The following CTNNBIP1 variants were observed in gnomAD, a reference collection of about 807,000 sequenced individuals.
The protein encoded by CTNNBIP1 is catenin beta interacting protein 1.
In CTNNBIP1, 7 loss-of-function variants were observed where a neutral mutation model predicts 11.8. The observed-to-expected ratio is 0.60, with a 90% CI of 0.34 to 1.12. CTNNBIP1 has a LOEUF of 1.12. CTNNBIP1 is among the 50% of genes most tolerant of loss of function. The pLI is 0.03. For missense variants in CTNNBIP1, 101 were observed against 113.4 expected, an observed-to-expected ratio of 0.89 and a Z score of 0.50; for synonymous variants, 58 against 43.9, an observed-to-expected ratio of 1.32 and a Z score of -1.26.
chr1:9,905,912 G>C (rs1420903875), intron 1 of CTNNBIP1, among the ~76,000 whole-genome samples: 1 of 152,138 alleles, frequency 6.6e-6, no homozygotes, highest in Non-Finnish European at 1.5e-5. Context: ...AATATTTTCA[G>C]AGTACTACAA....
chr1:9,864,332 G>A (rs558077685), intron 5 of CTNNBIP1, among the ~76,000 whole-genome samples: 5 of 152,282 alleles, frequency 3.3e-5, no homozygotes, highest in Admixed American at 1.3e-4. Context: ...CCTTGACAAG[G>A]GCCTTTTCTT....
chr1:9,907,360 G>A (rs762502900), intron 1 of CTNNBIP1, among the ~76,000 whole-genome samples: 3 of 152,050 alleles, frequency 2.0e-5, no homozygotes, highest in Non-Finnish European at 4.4e-5. Context: ...TAGTAGAGAC[G>A]GGTTTTCACC....
At chr1:9,877,384 T>G (rs867603290) in intron 3 of CTNNBIP1, among the ~76,000 whole-genome samples, 6 of 152,318 alleles carry the variant, frequency 3.9e-5, no homozygotes, top group Middle Eastern at 3.4e-3. Context: ...CTAATGCTCT[T>G]GAACATCCAC....
intron 1 of CTNNBIP1, among the ~76,000 whole-genome samples, chr1:9,892,549 C>T (rs183171865): frequency 0.012 from 1,784 of 150,462 alleles, 16 homozygotes; most frequent in Admixed American, 0.018. Context: ...GCTATGATCA[C>T]ACCACTGCAC....
intron 1 of CTNNBIP1, among the ~76,000 whole-genome samples, chr1:9,903,056 C>T (rs1265913850): frequency 1.3e-5 from 2 of 152,222 alleles, no homozygotes; most frequent in African/African-American, 2.4e-5. Flanking sequence ...TGAGCCACCA[C>T]GCCCGGCTGG....
intron 2 of CTNNBIP1, among the ~76,000 whole-genome samples, chr1:9,880,608 C>G (rs1639061600): frequency 6.6e-6 from 1 of 152,190 alleles, no homozygotes; most frequent in African/African-American, 2.4e-5. Context: ...AGCGTGAAAG[C>G]GTTCCTATTT....
At position 9,872,825 on chromosome 1, in the gene CTNNBIP1, G is replaced by A. The variant is rs1638892752; in HGVS notation, c.-24-737C>T. Among the ~76,000 whole-genome samples the A allele has an allele frequency of 1.3e-5, 2 of 152,182 alleles. No homozygotes were observed. Among genetic ancestry groups the A allele is most frequent in the Non-Finnish European group, 2.9e-5 (2 of 68,022 alleles). ...AAAGTCCCCAGGAGAGAAGTCCAGA[G>A]CCCCCTCCCTCCAGGAGGAGCTGGA... On this transcript the variant is annotated intron_variant, in intron 3 of 5. Transcript: ENST00000377263. The surrounding 1 kb of genome is among the most constrained non-coding windows in gnomAD (Gnocchi z 4.0).
chr1:9,854,312 G>A (rs1028458221), intron 5 of CTNNBIP1, among the ~76,000 whole-genome samples: 19 of 148,612 alleles, frequency 1.3e-4, no homozygotes, highest in Admixed American at 8.9e-4. Flanking sequence ...AGGTTGCAGT[G>A]AGCTGAGATC....
At chr1:9,882,771 AG>A (rs1253768450) in intron 2 of CTNNBIP1, among the ~76,000 whole-genome samples, 1 of 152,162 alleles carries the variant, frequency 6.6e-6, no homozygotes, top group Non-Finnish European at 1.5e-5. Context: ...GCACATGTCC[AG>A]GGTGAGGCCC....
At chr1:9,885,602 C>A (rs980240995) in intron 1 of CTNNBIP1, among the ~76,000 whole-genome samples, 5 of 151,552 alleles carry the variant, frequency 3.3e-5, no homozygotes, top group Non-Finnish European at 7.4e-5. Flanking sequence ...AGTGATCATG[C>A]CACTAAACTC....
At chr1:9,863,274 AT>A (rs1210521384) in intron 5 of CTNNBIP1, among the ~76,000 whole-genome samples, 1 of 152,132 alleles carries the variant, frequency 6.6e-6, no homozygotes. Context: ...TATATAGGTG[AT>A]TTTTGGTTTA....
chr1:9,891,335 C>G (rs151320467), intron 1 of CTNNBIP1, among the ~76,000 whole-genome samples: 1 of 152,176 alleles, frequency 6.6e-6, no homozygotes, highest in Non-Finnish European at 1.5e-5. Flanking sequence ...ACAGGCACCT[C>G]TCTCTCCAGC....
rs115947239 is a variant in CTNNBIP1, at chr1:9,878,464, T to C, written c.-109-475A>G. On this transcript the variant is annotated intron_variant, in intron 2 of 5. Coordinates refer to ENST00000377263, the MANE Select transcript of CTNNBIP1 (RefSeq NM_020248.3). The stretch of plus-strand genomic sequence containing the variant: ...AGCCTCTGTGCTCAGTGCATGTATA[T>C]GTGTCTGTGTGCTTCAGTTGTGCAC... Among the ~76,000 whole-genome samples the C allele has an allele frequency of 7.5e-3, 1,137 of 152,336 alleles. 4 individuals carry two copies. Among genetic ancestry groups the C allele is most frequent in the Non-Finnish European group, 0.012 (816 of 68,022 alleles).
chr1:9,864,441 G>A (rs1316614214), intron 5 of CTNNBIP1, among the ~76,000 whole-genome samples: 2 of 152,212 alleles, frequency 1.3e-5, no homozygotes, highest in Non-Finnish European at 2.9e-5. Context: ...CCATTCTCCT[G>A]CCTCAGCCTC....
chr1:9,891,557 CA>C (rs1219120276), intron 1 of CTNNBIP1, among the ~76,000 whole-genome samples: 1 of 152,130 alleles, frequency 6.6e-6, no homozygotes, highest in Admixed American at 6.6e-5. Context: ...CCCTCCTCAC[CA>C]CCCGGCTCTG....
At chr1:9,888,549 CAAA>C (rs560557231) in intron 1 of CTNNBIP1, among the ~76,000 whole-genome samples, 1 of 132,972 alleles carries the variant, frequency 7.5e-6, no homozygotes. Flanking sequence ...AAGACTGCCT[CAAA>C]AAAAAAAAAA....
In CTNNBIP1 at chr1:9,910,251, G is replaced by C. The variant is rs1275050852; in HGVS notation, c.-300C>G. 3.4e-5 allele frequency: 5 copies of C among 147,672 alleles called. No individual in the cohort carries two copies. The highest frequency in any genetic ancestry group is 1.2e-4 in the African/African-American group (5 of 40,982). The allele number at this position is 147,672 out of a possible 1,614,324, so 9.1% of individuals were successfully genotyped here. A position where few individuals can be genotyped will look rare whatever the true frequency, so the allele number is the denominator to read the frequency against. On this transcript the variant is annotated 5_prime_UTR_variant, in exon 1 of 6. Coordinates refer to ENST00000377263, the MANE Select transcript of CTNNBIP1 (RefSeq NM_020248.3). ...CCTCAGCCTCCGCCTCCCGCTCCGA[G>C]AGTCACCGCGGTGGGGAGGGAGGGA... is the stretch of plus-strand genomic sequence containing the variant.
At chr1:9,894,281 T>C (rs1043596617) in intron 1 of CTNNBIP1, among the ~76,000 whole-genome samples, 1 of 152,236 alleles carries the variant, frequency 6.6e-6, no homozygotes, top group African/African-American at 2.4e-5. Flanking sequence ...ACTTGGCTAA[T>C]GCCTCAGCAC....
At chr1:9,909,973 G>C (rs2101557779) in intron 1 of CTNNBIP1, 122 bp downstream of exon 1, 1 of 151,830 alleles carries the variant, frequency 6.6e-6, no homozygotes, top group Middle Eastern at 3.4e-3. Context: ...GGGTCCGAGC[G>C]GGGTCGGGGG....
Sources: allele counts gnomAD v4.1 joint callset (sites outside exome capture counted in the v4.1 genomes callset), GRCh38; gene constraint gnomAD v4.1.1; non-coding constraint Gnocchi (gnomAD v3.1); transcripts MANE v1.5; gene names NCBI Gene and HGNC (gene_info 2026-07-23, HGNC 2026-07-21).